The following CACNA1C variants were observed in gnomAD, a reference collection of about 807,000 sequenced individuals.
CACNA1C encodes calcium voltage-gated channel subunit alpha1 C.
In CACNA1C, 30 loss-of-function variants were observed where a neutral mutation model predicts 229.0. The observed-to-expected ratio is 0.13, with a 90% CI of 0.10 to 0.18. The LOEUF (loss-of-function observed/expected upper bound fraction) is 0.18. Ranked by LOEUF, CACNA1C falls within the 10% of genes least tolerant of loss-of-function variation. The pLI is 1.00. For synonymous variants in CACNA1C, 1,114 were observed against 1,132.5 expected (o/e 0.98, Z 0.33); for missense variants, 1,658 against 2,845.0 (o/e 0.58, Z 9.49).
intron 1 of CACNA1C, among the ~76,000 whole-genome samples, chr12:2,084,230 C>T (rs2066716427): frequency 6.6e-6 from 1 of 152,154 alleles, no homozygotes; most frequent in South Asian, 2.1e-4. Flanking sequence ...TTAGCATTCT[C>T]AACAAGTGGT....
At chr12:2,076,789 TA>T (rs2063366840) in intron 1 of CACNA1C, among the ~76,000 whole-genome samples, 1 of 152,210 alleles carries the variant, frequency 6.6e-6, no homozygotes, top group Non-Finnish European at 1.5e-5. Flanking sequence ...TGGGACTTGT[TA>T]GACGGGTCAC....
rs1555107795 is a variant in CACNA1C at position 2,067,479 on chromosome 12, T to TG, written c.49+13869dup. Among the ~76,000 whole-genome samples, 1 of 126,946 alleles carries TG rather than the reference T, an allele frequency of 7.9e-6. No homozygotes were observed. The highest frequency in any genetic ancestry group is 1.7e-5 in the Non-Finnish European group (1 of 58,558). 83.3% of individuals were successfully genotyped at this position (126,946 alleles called of 152,430 possible). On this transcript the variant is annotated intron_variant, in intron 1 of 46. Coordinates refer to ENST00000399655, the MANE Select transcript of CACNA1C (RefSeq NM_000719.7). This position sits in a 1 kb window ranked among gnomAD's most constrained non-coding sequence, Gnocchi z 5.3. ...GTGTGTGTGTGTGTGTGTGTGTGTG[T>TG]GTGCGCGCGTGTGCGTGCCTGTATG...
Position 2,688,714 on chromosome 12 carries a change from G to A in CACNA1C, c.6052G>A (p.Val2018Met), listed in dbSNP as rs1251544688. The change falls in exon 46 of 47, where the codon GTG becomes ATG. Residue 2018 changes from valine to methionine, a missense_variant. By Grantham distance (21) the Val-to-Met change is conservative. Transcript: ENST00000399655. ...GAGAGTCCGGCCCGTCTCCCTCATG[G>A]TGCCCAGCCAGGCTGGGGCCCCAGG... ...ARRVRPVSLMVPSQAGAPGRQ... is the reference protein window; with the variant it reads ...ARRVRPVSLMMPSQAGAPGRQ... 2 of 1,607,210 alleles carry A rather than the reference G, an allele frequency of 1.2e-6. No homozygotes were observed. The highest frequency in any genetic ancestry group is 1.7e-6 in the Non-Finnish European group (2 of 1,176,600).
chr12:2,110,936 T>TACCTGCCTCACCCGAGAGGCCAC (rs2081421447), intron 1 of CACNA1C, among the ~76,000 whole-genome samples: 1 of 97,682 alleles, frequency 1.0e-5, no homozygotes. Context: ...CGAGAGGCCA[T>TACCTGCCTCACCCGAGAGGCCAC]ACCTGTCTCA....
chr12:2,009,839 A>G lies in CACNA1C; in HGVS notation c.139+38638A>G, dbSNP rs540435919. 2.6e-5 allele frequency among the ~76,000 whole-genome samples: 4 copies of G among 152,354 alleles called. No individual in the cohort carries two copies. In the East Asian group the frequency reaches 7.7e-4, roughly 29 times the overall value. ...AGGGAAACTAGTTTCACCTCTTTCTATCTACGTGACCTTCAACAAATGACC... is the reference window on the plus strand; with the variant it reads ...AGGGAAACTAGTTTCACCTCTTTCTGTCTACGTGACCTTCAACAAATGACC... On this transcript the variant is annotated intron_variant, in intron 1 of 46. Coordinates refer to the CACNA1C transcript ENST00000682462.
At chr12:2,009,040 G>A (rs776774643) in intron 1 of CACNA1C, among the ~76,000 whole-genome samples, 15 of 152,102 alleles carry the variant, frequency 9.9e-5, no homozygotes, top group Non-Finnish European at 1.8e-4. Context: ...TTTTTAATCC[G>A]TGTAACTTCC....
At chr12:2,188,374 G>A (rs1300637000) in intron 3 of CACNA1C, among the ~76,000 whole-genome samples, 4 of 151,934 alleles carry the variant, frequency 2.6e-5, no homozygotes. Flanking sequence ...ACTATGGATC[G>A]AGATGCATTT....
intron 7 of CACNA1C, among the ~76,000 whole-genome samples, chr12:2,502,708 G>C (rs892563707): frequency 6.6e-6 from 1 of 152,124 alleles, no homozygotes; most frequent in Admixed American, 6.5e-5. Context: ...TAGGTGTCTC[G>C]GTACTTCTCA....
chr12:2,108,223 AG>A lies in CACNA1C; in HGVS notation c.50-6997del, dbSNP rs1338504671. On this transcript the variant is annotated intron_variant, in intron 1 of 46. Transcript: ENST00000399655. This position sits in a 1 kb window ranked among gnomAD's most constrained non-coding sequence, Gnocchi z 5.3. ...TAGAGGAAAGATAGTACAGGAATTTAGGGGCTTATACAATAATTGGAAATGC... is the reference window on the plus strand; with the variant it reads ...TAGAGGAAAGATAGTACAGGAATTTAGGGCTTATACAATAATTGGAAATGC... 6.6e-6 allele frequency among the ~76,000 whole-genome samples: 1 copy of A among 152,206 alleles called. No homozygotes were observed. Among genetic ancestry groups the A allele is most frequent in the African/African-American group, 2.4e-5 (1 of 41,448 alleles).
At chr12:2,239,343 G>A (rs371951438) in intron 3 of CACNA1C, among the ~76,000 whole-genome samples, 17 of 152,008 alleles carry the variant, frequency 1.1e-4, no homozygotes, top group South Asian at 6.3e-4. Flanking sequence ...TCTCCCAGGC[G>A]GTGAGGCTTT....
chr12:2,056,770 T>G (rs997241685), intron 1 of CACNA1C, among the ~76,000 whole-genome samples: 1 of 152,192 alleles, frequency 6.6e-6, no homozygotes, highest in African/African-American at 2.4e-5. Flanking sequence ...GTTCATCATA[T>G]TATTCCTACT....
intron 3 of CACNA1C, among the ~76,000 whole-genome samples, chr12:2,366,343 TAAC>T (rs1337076427): frequency 6.6e-6 from 1 of 152,232 alleles, no homozygotes; most frequent in Non-Finnish European, 1.5e-5. Flanking sequence ...ATAACTATGT[TAAC>T]TATAGTTACA....
intron 5 of CACNA1C, among the ~76,000 whole-genome samples, chr12:2,481,248 A>C (rs4765944): frequency 0.64 from 97,687 of 152,130 alleles, 32,167 homozygotes; most frequent in East Asian, 0.88. Context: ...GGTGGACAAT[A>C]TGGACCAGGT....
At chr12:2,670,556 G>A (rs2096505994) in intron 38 of CACNA1C, among the ~76,000 whole-genome samples, 2 of 152,094 alleles carry the variant, frequency 1.3e-5, no homozygotes, top group South Asian at 2.1e-4. Context: ...ATAATTAGCT[G>A]ATTTTTAAAA....
chr12:2,486,480 A>G lies in CACNA1C; in HGVS notation c.916+218A>G, dbSNP rs1156320798. 6.6e-6 allele frequency among the ~76,000 whole-genome samples: 1 copy of G among 152,198 alleles called. No individual in the cohort carries two copies. Among genetic ancestry groups the G allele is most frequent in the Non-Finnish European group, 1.5e-5 (1 of 68,034 alleles). On this transcript the variant is annotated intron_variant, in intron 6 of 46. Transcript: ENST00000399655. This position sits in a 1 kb window ranked among gnomAD's most constrained non-coding sequence, Gnocchi z 4.9. ...ATCTCTGTTAAACCGGCCTAACGCA[A>G]ACTTCGTTCAGCACTTTTCAATAAG...
intron 30 of CACNA1C, among the ~76,000 whole-genome samples, chr12:2,641,005 G>A (rs2093629549): frequency 6.6e-6 from 1 of 152,202 alleles, no homozygotes; most frequent in Non-Finnish European, 1.5e-5. Context: ...CTGCCTTTGT[G>A]GCTGTAACCA....
At chr12:2,674,105 G>A (rs972790526) in intron 38 of CACNA1C, among the ~76,000 whole-genome samples, 2 of 152,270 alleles carry the variant, frequency 1.3e-5, no homozygotes, top group Non-Finnish European at 1.5e-5. Context: ...GACTGCCGAA[G>A]GAGGTCCATG....
chr12:2,422,083 A>G (rs539975379), intron 3 of CACNA1C, among the ~76,000 whole-genome samples: 1 of 152,350 alleles, frequency 6.6e-6, no homozygotes, highest in South Asian at 2.1e-4. Flanking sequence ...GAAAATACCC[A>G]TAAATATCCC....
At chr12:2,083,796 A>G (rs896724836) in intron 1 of CACNA1C, among the ~76,000 whole-genome samples, 15 of 152,192 alleles carry the variant, frequency 9.9e-5, no homozygotes, top group African/African-American at 3.6e-4. Context: ...GAGGGGGAGA[A>G]GCCATTTGAC....
Sources: gnomAD v4.1 joint callset for allele counts (sites outside exome capture counted in the v4.1 genomes callset) on GRCh38, gnomAD v4.1.1 for gene constraint, Gnocchi (gnomAD v3.1) non-coding constraint, MANE v1.5 for transcripts, NCBI Gene and HGNC (gene_info 2026-07-23, HGNC 2026-07-21) for gene names.